The following SPIDR variants were observed in gnomAD, a reference collection of about 807,000 sequenced individuals.
SPIDR encodes the protein DNA repair-scaffolding protein.
A neutral mutation model predicts 104.6 loss-of-function variants in SPIDR; 93 were observed. That is an observed-to-expected ratio of 0.89 (90% CI 0.75 to 1.06). The LOEUF (loss-of-function observed/expected upper bound fraction) is 1.06, where lower values mean the gene tolerates loss of function less well. Ranked by LOEUF, SPIDR falls within the 50% of genes least tolerant of loss-of-function variation. The pLI, the probability that SPIDR is intolerant of heterozygous loss-of-function variation, is 0.00. For missense variants in SPIDR, 1,154 were observed against 1,111.2 expected, an observed-to-expected ratio of 1.04 and a Z score of -0.55; for synonymous variants, 431 against 416.9, an observed-to-expected ratio of 1.03 and a Z score of -0.41.
intron 8 of SPIDR, among the ~76,000 whole-genome samples, chr8:47,501,201 G>A (rs1479562575): frequency 6.6e-6 from 1 of 152,156 alleles, no homozygotes; most frequent in Admixed American, 6.5e-5. Flanking sequence ...TAGCTTGATG[G>A]GGATGGCATT....
intron 8 of SPIDR, among the ~76,000 whole-genome samples, chr8:47,465,857 A>G (rs1276627009): frequency 3.9e-5 from 6 of 152,208 alleles, no homozygotes; most frequent in African/African-American, 1.2e-4. Context: ...ATGGAAAACA[A>G]AAAGGCAGGG....
chr8:47,520,476 C>CT (rs1214242594), intron 8 of SPIDR, among the ~76,000 whole-genome samples: 2 of 152,152 alleles, frequency 1.3e-5, no homozygotes, highest in East Asian at 3.8e-4. Context: ...AAAATCTAGC[C>CT]TTGAGAATCT....
chr8:47,410,426 C>A (rs2063348444), intron 7 of SPIDR, among the ~76,000 whole-genome samples: 1 of 151,998 alleles, frequency 6.6e-6, no homozygotes, highest in African/African-American at 2.4e-5. Context: ...GGTGACGCAC[C>A]CACCTCAGCC....
At chr8:47,391,768 G>A (rs974575242) in intron 5 of SPIDR, among the ~76,000 whole-genome samples, 2 of 151,920 alleles carry the variant, frequency 1.3e-5, no homozygotes, top group African/African-American at 2.4e-5. Flanking sequence ...AGGCCAAGGC[G>A]GGCGGATCAC....
At chr8:47,693,565 C>T (rs537915775) in intron 11 of SPIDR, among the ~76,000 whole-genome samples, 1 of 152,212 alleles carries the variant, frequency 6.6e-6, no homozygotes, top group African/African-American at 2.4e-5. Context: ...CAGCGTTATG[C>T]GCCTCCCAGG....
chr8:47,553,086 G>A (rs1039110121), intron 8 of SPIDR, among the ~76,000 whole-genome samples: 4 of 152,044 alleles, frequency 2.6e-5, no homozygotes, highest in South Asian at 2.1e-4. Flanking sequence ...GTTGAATATC[G>A]GCCCCCACTC....
chr8:47,484,266 T>C (rs959595985), intron 8 of SPIDR, among the ~76,000 whole-genome samples: 7 of 152,260 alleles, frequency 4.6e-5, no homozygotes, highest in Admixed American at 6.5e-5. Flanking sequence ...ATAGTAACTT[T>C]TGATGAGCGT....
At chr8:47,732,002 C>T in intron 19 of SPIDR, 1 of 614,700 alleles carries the variant, frequency 1.6e-6, no homozygotes, top group African/African-American at 1.8e-5. Flanking sequence ...TCTCCAGCTG[C>T]TCCATGCTAC....
At chr8:47,510,697 T>C (rs886971230) in intron 8 of SPIDR, among the ~76,000 whole-genome samples, 14 of 152,236 alleles carry the variant, frequency 9.2e-5, no homozygotes, top group Non-Finnish European at 1.8e-4. Flanking sequence ...TGAAAAATTG[T>C]ATAAGAATTA....
At chr8:47,362,598 C>CA (rs1212854493) in intron 5 of SPIDR, among the ~76,000 whole-genome samples, 5 of 151,810 alleles carry the variant, frequency 3.3e-5, no homozygotes, top group Admixed American at 1.3e-4. Context: ...AGAGAAAAAA[C>CA]AAAAAAATGT....
intron 8 of SPIDR, among the ~76,000 whole-genome samples, chr8:47,490,263 GC>G (rs1393445636): frequency 2.6e-5 from 4 of 152,158 alleles, no homozygotes; most frequent in Non-Finnish European, 4.4e-5. Flanking sequence ...ATCATCACTG[GC>G]CATCAGAGAA....
chr8:47,416,454 T>G (rs2064303724), intron 7 of SPIDR, among the ~76,000 whole-genome samples: 2 of 152,146 alleles, frequency 1.3e-5, no homozygotes, highest in Non-Finnish European at 1.5e-5. Context: ...TGTTTCCATA[T>G]TTGAGTCATT....
rs77661255 is a variant in SPIDR, at chr8:47,295,351, C to T, written c.525+1321C>T. The stretch of plus-strand genomic sequence containing the variant: ...ATAAATTTTAAAAAATTGTAAAATA[C>T]AATGCACTATTATTATAGTCTTCAT... On this transcript the variant is annotated intron_variant, in intron 5 of 19. Transcript: ENST00000297423. Among the ~76,000 whole-genome samples the T allele has an allele frequency of 2.0e-5, 3 of 152,226 alleles. No homozygotes were observed. The East Asian group carries it at 5.8e-4, about 29-fold the overall frequency.
intron 7 of SPIDR, among the ~76,000 whole-genome samples, chr8:47,417,906 T>A (rs2064660344): frequency 2.0e-5 from 3 of 152,188 alleles, no homozygotes; most frequent in Admixed American, 2.0e-4. Context: ...CTTGTTTTTG[T>A]CAGCTTTGTC....
At chr8:47,264,088 G>A (rs2154209924) in intron 1 of SPIDR, among the ~76,000 whole-genome samples, 1 of 152,306 alleles carries the variant, frequency 6.6e-6, no homozygotes, top group Non-Finnish European at 1.5e-5. Context: ...CCGAAGACTC[G>A]GATATCTGCC....
At chr8:47,339,095 A>G (rs1458014006) in intron 5 of SPIDR, among the ~76,000 whole-genome samples, 3 of 152,240 alleles carry the variant, frequency 2.0e-5, no homozygotes, top group African/African-American at 7.2e-5. Flanking sequence ...GGGATTTTAA[A>G]TATTTAACAT....
intron 5 of SPIDR, among the ~76,000 whole-genome samples, chr8:47,313,879 C>T (rs2044723450): frequency 6.6e-6 from 1 of 152,096 alleles, no homozygotes; most frequent in Non-Finnish European, 1.5e-5. Flanking sequence ...AATTCTGTAG[C>T]CAAATAAGAA....
At chr8:47,264,211 G>T (rs1200860547) in intron 1 of SPIDR, among the ~76,000 whole-genome samples, 4 of 152,198 alleles carry the variant, frequency 2.6e-5, no homozygotes, top group Admixed American at 1.3e-4. Flanking sequence ...ATTAGGAATA[G>T]AATAGAAAGG....
intron 8 of SPIDR, among the ~76,000 whole-genome samples, chr8:47,593,483 T>C (rs879824225): frequency 2.6e-5 from 4 of 152,252 alleles, no homozygotes; most frequent in South Asian, 2.1e-4. Flanking sequence ...CTAACCTTTA[T>C]GTTATCTCAG....
Sources: allele counts gnomAD v4.1 joint callset (sites outside exome capture counted in the v4.1 genomes callset), GRCh38; gene constraint gnomAD v4.1.1; transcripts MANE v1.5; gene names NCBI Gene and HGNC (gene_info 2026-07-23, HGNC 2026-07-21).